DLGAP2: variants seen among roughly 807,000 people sequenced by gnomAD.
DLGAP2 encodes the protein DLG associated protein 2, also known as disks large-associated protein 2.
In DLGAP2, 26 loss-of-function variants were observed where a neutral mutation model predicts 100.3. The ratio of observed to expected loss-of-function variants is 0.26; its 90% CI spans 0.19 to 0.36. The LOEUF (loss-of-function observed/expected upper bound fraction) is 0.36. Ranked by LOEUF, DLGAP2 falls within the 10% of genes least tolerant of loss-of-function variation. DLGAP2 has a pLI of 1.00. For missense variants in DLGAP2, 1,858 were observed against 1,453.2 expected (o/e 1.28, Z -4.53); for synonymous variants, 886 against 630.1 (o/e 1.41, Z -6.08).
intron 3 of DLGAP2, among the ~76,000 whole-genome samples, chr8:1,478,188 G>C (rs1798988099): frequency 6.6e-6 from 1 of 152,102 alleles, no homozygotes; most frequent in South Asian, 2.1e-4. Context: ...TCTTACCCAT[G>C]AGCCTGTAGC....
intron 2 of DLGAP2, among the ~76,000 whole-genome samples, chr8:1,193,617 C>G (rs113604634): frequency 6.6e-6 from 1 of 152,104 alleles, no homozygotes; most frequent in Non-Finnish European, 1.5e-5. Flanking sequence ...TCTGTGTGTC[C>G]GCTGGTGGAT....
intron 6 of DLGAP2, 134 bp downstream of exon 6, chr8:1,566,028 T>C (rs184775948): frequency 4.9e-6 from 3 of 612,740 alleles, no homozygotes; most frequent in East Asian, 6.6e-5. Flanking sequence ...ATTAGACCCA[T>C]GGCTGTCAAT....
At chr8:1,210,255 G>A (rs1227965920) in intron 2 of DLGAP2, among the ~76,000 whole-genome samples, 1 of 152,198 alleles carries the variant, frequency 6.6e-6, no homozygotes, top group Non-Finnish European at 1.5e-5. Context: ...GGCTGGCTTA[G>A]GGCAGGGTGA....
At chr8:1,243,124 C>A (rs541331358) in intron 2 of DLGAP2, among the ~76,000 whole-genome samples, 11 of 152,144 alleles carry the variant, frequency 7.2e-5, no homozygotes, top group Non-Finnish European at 1.3e-4. Flanking sequence ...CCTTTGTGGG[C>A]GGTTACCCTG....
intron 8 of DLGAP2, among the ~76,000 whole-genome samples, chr8:1,665,223 CTT>C (rs894235746): frequency 6.6e-6 from 1 of 152,066 alleles, no homozygotes; most frequent in Non-Finnish European, 1.5e-5. Context: ...TTTTCAGACT[CTT>C]TAAATTTTAC....
At chr8:882,246 G>T (rs1056630537) in intron 1 of DLGAP2, among the ~76,000 whole-genome samples, 4 of 152,036 alleles carry the variant, frequency 2.6e-5, no homozygotes, top group African/African-American at 9.7e-5. Context: ...AGAGATCTGC[G>T]GAGGCCTCTC....
At chr8:869,414 G>A (rs571434879) in intron 1 of DLGAP2, among the ~76,000 whole-genome samples, 38 of 152,260 alleles carry the variant, frequency 2.5e-4, no homozygotes, top group African/African-American at 8.4e-4. Context: ...AGAATGCTGC[G>A]TGTTTTCTCT....
intron 2 of DLGAP2, among the ~76,000 whole-genome samples, chr8:1,198,526 AG>A (rs1363848927): frequency 6.6e-6 from 1 of 152,206 alleles, no homozygotes; most frequent in East Asian, 1.9e-4. Flanking sequence ...GCTCGGGGGA[AG>A]GGGCTGCGAG....
chr8:770,460 T>G (rs1821327774), intron 1 of DLGAP2, among the ~76,000 whole-genome samples: 1 of 152,220 alleles, frequency 6.6e-6, no homozygotes, highest in Admixed American at 6.5e-5. Flanking sequence ...AATTGAATTT[T>G]GAGACTGAAG....
intron 2 of DLGAP2, among the ~76,000 whole-genome samples, chr8:990,006 C>T (rs1458323817): frequency 6.6e-6 from 1 of 152,068 alleles, no homozygotes; most frequent in Non-Finnish European, 1.5e-5. Flanking sequence ...TCTTGCCGCT[C>T]CCAGCCAACC....
chr8:1,175,902 G>A (rs2116690191), intron 2 of DLGAP2, among the ~76,000 whole-genome samples: 1 of 152,290 alleles, frequency 6.6e-6, no homozygotes, highest in East Asian at 1.9e-4. Context: ...GCCATGGGGA[G>A]GTCGCATCCT....
chr8:1,508,733 A>G (rs770426416), intron 4 of DLGAP2, among the ~76,000 whole-genome samples: 3 of 150,888 alleles, frequency 2.0e-5, no homozygotes, highest in Admixed American at 6.6e-5. Context: ...AAATGAACCC[A>G]GTGCCCGCAG....
rs117846113 is a variant in DLGAP2, at chr8:1,296,320, A to G, written c.106+37437A>G. The G allele has an allele frequency of 6.2e-3, 948 of 152,292 alleles. 5 individuals carry two copies. The highest frequency in any genetic ancestry group is 8.8e-3 in the Non-Finnish European group (596 of 68,028). The allele number at this position is 152,292 out of a possible 1,614,324, so 9.4% of individuals were successfully genotyped here. On this transcript the variant is annotated intron_variant, in intron 3 of 14. Transcript: ENST00000637795. ...GAACCTCAATTATAACTTTATAAAT[A>G]AATTCCGAGTGCCTTAAAGAGACTT...
At chr8:790,040 G>A in intron 1 of DLGAP2, among the ~76,000 whole-genome samples, 1 of 152,222 alleles carries the variant, frequency 6.6e-6, no homozygotes, top group Non-Finnish European at 1.5e-5. Context: ...CGTCAGTGCA[G>A]TGCGTGTGAA....
intron 2 of DLGAP2, among the ~76,000 whole-genome samples, chr8:1,254,280 C>T (rs371665690): frequency 3.3e-5 from 5 of 152,212 alleles, no homozygotes; most frequent in Middle Eastern, 3.2e-3. Context: ...TCCAGGACTC[C>T]GCTCTGTCCC....
chr8:1,234,238 C>G (rs1563269296), intron 2 of DLGAP2, among the ~76,000 whole-genome samples: 1 of 152,190 alleles, frequency 6.6e-6, no homozygotes, highest in Admixed American at 6.5e-5. Context: ...TGGCACAACC[C>G]TGAGTGGAAC....
intron 1 of DLGAP2, among the ~76,000 whole-genome samples, chr8:904,517 C>G (rs903993177): frequency 6.6e-6 from 1 of 152,118 alleles, no homozygotes; most frequent in Non-Finnish European, 1.5e-5. Flanking sequence ...AAGACTGTCT[C>G]AAAAAAATTA....
At position 1,545,710 on chromosome 8, in the gene DLGAP2, T is replaced by C. The variant is rs140844688; in HGVS notation, c.173-2916T>C. Among the ~76,000 whole-genome samples, 40 of 152,364 alleles carry C rather than the reference T, an allele frequency of 2.6e-4. No individual in the cohort carries two copies. In the East Asian group the frequency reaches 7.7e-3, roughly 29 times the overall value. On this transcript the variant is annotated intron_variant, in intron 4 of 14. Transcript: ENST00000637795. ...TGTGATAATATTTTAAAGTACATGTTTCCATGCATCCATCAGGAAATCCAG... is the reference window on the plus strand; with the variant it reads ...TGTGATAATATTTTAAAGTACATGTCTCCATGCATCCATCAGGAAATCCAG...
chr8:1,127,421 T>TGGAGGCCCCTTCGTGA, intron 2 of DLGAP2, among the ~76,000 whole-genome samples: 1 of 151,588 alleles, frequency 6.6e-6, no homozygotes, highest in African/African-American at 2.4e-5. Context: ...TCCCTTCGTG[T>TGGAGGCCCCTTCGTGA]GTGGAGGCCC....
Sources: gnomAD v4.1 joint callset for allele counts (sites outside exome capture counted in the v4.1 genomes callset) on GRCh38, gnomAD v4.1.1 for gene constraint, MANE v1.5 for transcripts, NCBI Gene and HGNC (gene_info 2026-07-23, HGNC 2026-07-21) for gene names.